Variants in CPNE4 observed in about 807,000 individuals in gnomAD.
The protein encoded by CPNE4 is copine-4.
CPNE4 carries 25 observed loss-of-function variants against 67.9 expected under a neutral mutation model. The observed-to-expected ratio is 0.37, with a 90% CI of 0.27 to 0.51. The LOEUF (loss-of-function observed/expected upper bound fraction) is 0.51. Ranked by LOEUF, CPNE4 falls within the 20% of genes least tolerant of loss-of-function variation. The pLI, the probability that CPNE4 is intolerant of heterozygous loss-of-function variation, is 0.93. For synonymous variants in CPNE4, 242 were observed against 244.9 expected, an observed-to-expected ratio of 0.99 and a Z score of 0.11; for missense variants, 464 against 690.8, an observed-to-expected ratio of 0.67 and a Z score of 3.68.
intron 2 of CPNE4, among the ~76,000 whole-genome samples, chr3:131,869,837 G>T (rs1179932292): frequency 6.6e-6 from 1 of 152,058 alleles, no homozygotes; most frequent in African/African-American, 2.4e-5. Flanking sequence ...AACATACCAG[G>T]CTGTCTGTTT....
intron 2 of CPNE4, among the ~76,000 whole-genome samples, chr3:131,889,068 A>G (rs1227928869): frequency 6.6e-6 from 1 of 152,200 alleles, no homozygotes; most frequent in East Asian, 1.9e-4. Flanking sequence ...CTTTAATATA[A>G]AAGTATTGAA....
rs796627924 is a variant in CPNE4, at chr3:131,792,719, G to A, written c.181-69094C>T. Among the ~76,000 whole-genome samples the A allele has an allele frequency of 1.7e-3, 117 of 69,252 alleles. 6 individuals are homozygous for A. The highest frequency in any genetic ancestry group is 2.2e-3 in the Admixed American group (12 of 5,518). The allele number at this position is 69,252 out of a possible 152,430, so 45.4% of individuals were successfully genotyped here. On this transcript the variant is annotated intron_variant, in intron 2 of 15. Coordinates refer to ENST00000429747, the MANE Select transcript of CPNE4 (RefSeq NM_130808.3). ...TACATATACACACACGTGTATATAT[G>A]TATATATATACACGTGTGTATATAT...
chr3:131,913,247 TAA>T (rs1278723679), intron 1 of CPNE4, among the ~76,000 whole-genome samples: 5 of 152,116 alleles, frequency 3.3e-5, no homozygotes, highest in Non-Finnish European at 5.9e-5. Flanking sequence ...TCTCCATAGA[TAA>T]AAACACCTGA....
At chr3:131,575,000 C>CA in intron 10 of CPNE4, 71 bp downstream of exon 10, 3 of 1,345,976 alleles carry the variant, frequency 2.2e-6, no homozygotes, top group Non-Finnish European at 3.2e-6. Context: ...CTTTATCCCC[C>CA]AAACCCAGTG....
At chr3:131,570,266 T>C (rs189497375) in intron 10 of CPNE4, among the ~76,000 whole-genome samples, 7 of 151,700 alleles carry the variant, frequency 4.6e-5, no homozygotes, top group Non-Finnish European at 1.0e-4. Flanking sequence ...GAAAAAGCAA[T>C]AACCTTCAAA....
At chr3:131,753,931 T>C (rs1424014728) in intron 2 of CPNE4, among the ~76,000 whole-genome samples, 1 of 152,112 alleles carries the variant, frequency 6.6e-6, no homozygotes, top group East Asian at 1.9e-4. Flanking sequence ...TACTTCAGAA[T>C]ATACCCCTTA....
At chr3:131,794,257 T>C (rs1163529478) in intron 2 of CPNE4, among the ~76,000 whole-genome samples, 1 of 151,554 alleles carries the variant, frequency 6.6e-6, no homozygotes, top group Non-Finnish European at 1.5e-5. Flanking sequence ...TTTTTTTTTT[T>C]AGATGGAGTC....
At chr3:131,668,688 T>C (rs943844572) in intron 7 of CPNE4, among the ~76,000 whole-genome samples, 1 of 152,186 alleles carries the variant, frequency 6.6e-6, no homozygotes, top group African/African-American at 2.4e-5. Flanking sequence ...CCTTAATTGG[T>C]TGAATCACCT....
At chr3:131,874,939 C>G (rs1445889192) in intron 2 of CPNE4, among the ~76,000 whole-genome samples, 5 of 152,164 alleles carry the variant, frequency 3.3e-5, no homozygotes, top group Non-Finnish European at 7.3e-5. Flanking sequence ...TGTAAGATCT[C>G]TACACTGACA....
At chr3:131,922,414 A>G (rs1449276198) in intron 1 of CPNE4, among the ~76,000 whole-genome samples, 1 of 152,206 alleles carries the variant, frequency 6.6e-6, no homozygotes, top group African/African-American at 2.4e-5. Flanking sequence ...GGCTTTACAC[A>G]GAATCATCAC....
intron 7 of CPNE4, among the ~76,000 whole-genome samples, chr3:131,631,032 T>G (rs1238172853): frequency 6.6e-6 from 1 of 152,188 alleles, no homozygotes; most frequent in African/African-American, 2.4e-5. Flanking sequence ...ACTGGGGAAT[T>G]AGCATGAAAT....
At chr3:131,831,361 CTTATAT>C (rs972758292) in intron 2 of CPNE4, among the ~76,000 whole-genome samples, 1 of 152,046 alleles carries the variant, frequency 6.6e-6, no homozygotes, top group Non-Finnish European at 1.5e-5. Context: ...GTCACCATTA[CTTATAT>C]TTAGATGCTG....
intron 2 of CPNE4, among the ~76,000 whole-genome samples, chr3:131,733,391 T>C (rs185119802): frequency 5.9e-5 from 9 of 152,348 alleles, no homozygotes; most frequent in Admixed American, 5.9e-4. Context: ...TATATTTTGC[T>C]CTTTAAGTTC....
At chr3:131,848,794 C>A (rs566639596) in intron 2 of CPNE4, among the ~76,000 whole-genome samples, 1 of 151,588 alleles carries the variant, frequency 6.6e-6, no homozygotes, top group Non-Finnish European at 1.5e-5. Context: ...AGGCCAAGAG[C>A]GTCAATTGCT....
intron 2 of CPNE4, among the ~76,000 whole-genome samples, chr3:131,768,713 G>GT (rs1235065855): frequency 6.6e-6 from 1 of 151,944 alleles, no homozygotes; most frequent in African/African-American, 2.4e-5. Flanking sequence ...ATTTTGCCTT[G>GT]TTTTTTTATC....
At chr3:131,761,080 C>T (rs1474641339) in intron 2 of CPNE4, among the ~76,000 whole-genome samples, 4 of 151,954 alleles carry the variant, frequency 2.6e-5, no homozygotes, top group African/African-American at 4.8e-5. Flanking sequence ...AATTGTTTAG[C>T]TTGAGACTTG....
chr3:131,892,427 T>C (rs2107744369), intron 2 of CPNE4, among the ~76,000 whole-genome samples: 1 of 152,172 alleles, frequency 6.6e-6, no homozygotes, highest in South Asian at 2.1e-4. Context: ...TTACAAGAAA[T>C]GCTTAAGGGC....
intron 1 of CPNE4, among the ~76,000 whole-genome samples, chr3:131,981,358 G>A (rs1257416724): frequency 6.6e-6 from 1 of 152,086 alleles, no homozygotes; most frequent in Non-Finnish European, 1.5e-5. Context: ...CCTTGGGCAG[G>A]TCTTCCTGCA....
At chr3:131,933,803 A>C (rs2071140249) in intron 1 of CPNE4, among the ~76,000 whole-genome samples, 1 of 152,210 alleles carries the variant, frequency 6.6e-6, no homozygotes, top group Non-Finnish European at 1.5e-5. Flanking sequence ...AAAAAAAAAA[A>C]ACACATGTTC....
Sources: gnomAD v4.1 joint callset for allele counts (sites outside exome capture counted in the v4.1 genomes callset) on GRCh38, gnomAD v4.1.1 for gene constraint, MANE v1.5 for transcripts, NCBI Gene and HGNC (gene_info 2026-07-23, HGNC 2026-07-21) for gene names.